The following SLMAP variants were observed in gnomAD, a reference collection of about 807,000 sequenced individuals.
SLMAP encodes sarcolemma associated protein.
Under a neutral mutation model 128.8 loss-of-function variants are expected in SLMAP, and 44 were observed. The ratio of observed to expected loss-of-function variants is 0.34; its 90% CI spans 0.27 to 0.44. SLMAP has a LOEUF of 0.44. Among genes scored for constraint, SLMAP ranks in the 20% least tolerant of loss-of-function variants. The pLI is 1.00. For synonymous variants in SLMAP, 327 were observed against 348.8 expected, an observed-to-expected ratio of 0.94 and a Z score of 0.70; for missense variants, 787 against 985.3, an observed-to-expected ratio of 0.80 and a Z score of 2.69.
chr3:57,836,706 T>C (rs972326129), intron 3 of SLMAP, among the ~76,000 whole-genome samples: 1 of 152,314 alleles, frequency 6.6e-6, no homozygotes, highest in South Asian at 2.1e-4. Flanking sequence ...TGGTCAGGCA[T>C]GTACACATAA....
At chr3:57,832,079 G>A (rs923213486) in intron 3 of SLMAP, among the ~76,000 whole-genome samples, 2 of 152,202 alleles carry the variant, frequency 1.3e-5, no homozygotes, top group African/African-American at 4.8e-5. Context: ...CTCTTCTTAT[G>A]TTGAAAGAAC....
chr3:57,784,099 A>T (rs2083594209), intron 2 of SLMAP, among the ~76,000 whole-genome samples: 1 of 152,156 alleles, frequency 6.6e-6, no homozygotes, highest in Admixed American at 6.6e-5. Flanking sequence ...GGGCCCAGAC[A>T]GAGATGTGTA....
At chr3:57,785,144 C>T (rs1174259398) in intron 2 of SLMAP, among the ~76,000 whole-genome samples, 4 of 152,056 alleles carry the variant, frequency 2.6e-5, no homozygotes, top group Non-Finnish European at 4.4e-5. Flanking sequence ...CAAACATAAA[C>T]GTTTACTTGG....
Position 57,790,105 on chromosome 3 carries a change from G to A in SLMAP, c.198+32256G>A, listed in dbSNP as rs930244621. Among the ~76,000 whole-genome samples, 5 of 152,270 alleles carry A rather than the reference G, an allele frequency of 3.3e-5. No individual in the cohort carries two copies. In the South Asian group the frequency reaches 6.2e-4, roughly 19 times the overall value. On this transcript the variant is annotated intron_variant, in intron 2 of 24. Coordinates refer to ENST00000671191, the MANE Select transcript of SLMAP (RefSeq NM_001377540.1). ...ACCTGCCTCAGCCTCCCAAAGTGCT[G>A]GGATTACAGGCATGAGCCACCATGC...
At chr3:57,825,003 T>C (rs1403058735) in intron 2 of SLMAP, among the ~76,000 whole-genome samples, 1 of 152,224 alleles carries the variant, frequency 6.6e-6, no homozygotes, top group African/African-American at 2.4e-5. Context: ...AGGTATTTTA[T>C]TCTTCTAGAT....
At chr3:57,781,160 A>C (rs981603384) in intron 2 of SLMAP, among the ~76,000 whole-genome samples, 1 of 151,974 alleles carries the variant, frequency 6.6e-6, no homozygotes, top group African/African-American at 2.4e-5. Context: ...TTGAGACTGT[A>C]GTGAGCTATG....
chr3:57,927,235 T>G, intron 24 of SLMAP, 61 bp from the exon 25 acceptor site: 1 of 1,032,990 alleles, frequency 9.7e-7, no homozygotes, highest in Non-Finnish European at 1.5e-6. Context: ...AACCAAGGGG[T>G]TAATAGGTAT....
Position 57,884,309 on chromosome 3 carries a change from G to A in SLMAP, c.1301-5732G>A, listed in dbSNP as rs548632965. Among the ~76,000 whole-genome samples the A allele has an allele frequency of 9.1e-4, 138 of 152,218 alleles. 1 individual carries two copies. The highest frequency in any genetic ancestry group is 1.5e-3 in the Non-Finnish European group (101 of 68,002). ...AAGACTGAAGGTTTGCTCTCTGGAG[G>A]CTGAAATGGAGAGTCTGTAGACTGG... On this transcript the variant is annotated intron_variant, in intron 14 of 24. Coordinates refer to ENST00000671191, the MANE Select transcript of SLMAP (RefSeq NM_001377540.1).
intron 19 of SLMAP, 150 bp downstream of exon 19, chr3:57,909,300 G>T (rs924065801): frequency 3.4e-6 from 2 of 580,074 alleles, no homozygotes; most frequent in African/African-American, 3.8e-5. Context: ...TCAGGAATTC[G>T]AGAGCAGTGT....
chr3:57,891,307 TATC>T (rs1352298350), intron 15 of SLMAP: 1 of 152,230 alleles, frequency 6.6e-6, no homozygotes, highest in African/African-American at 2.4e-5. Flanking sequence ...AATTATGTTT[TATC>T]ATTATTGGAA....
intron 2 of SLMAP, among the ~76,000 whole-genome samples, chr3:57,776,745 G>GAAT (rs765595394): frequency 6.6e-6 from 1 of 151,286 alleles, no homozygotes; most frequent in Non-Finnish European, 1.5e-5. Flanking sequence ...AGGCTATCTT[G>GAAT]AACTCCTGAC....
intron 13 of SLMAP, among the ~76,000 whole-genome samples, chr3:57,868,240 CAG>C (rs1414891251): frequency 6.6e-6 from 1 of 152,010 alleles, no homozygotes. Flanking sequence ...GCCTGGGTGA[CAG>C]AGTGAGACCC....
intron 19 of SLMAP, among the ~76,000 whole-genome samples, chr3:57,911,923 TAAAAAAAAAA>T (rs57106769): frequency 1.9e-5 from 1 of 52,370 alleles, no homozygotes; most frequent in African/African-American, 7.6e-5. Flanking sequence ...GGATTCACCC[TAAAAAAAAAA>T]AAAAAAAAAA....
chr3:57,862,159 G>A, intron 10 of SLMAP, 73 bp downstream of exon 10: 1 of 1,290,256 alleles, frequency 7.8e-7, no homozygotes, highest in Non-Finnish European at 1.1e-6. Context: ...AAGATTTTAG[G>A]TATTGCTTTA....
At chr3:57,926,012 C>A in intron 24 of SLMAP, 78 bp downstream of exon 24, 3 of 968,556 alleles carry the variant, frequency 3.1e-6, no homozygotes, top group Admixed American at 2.1e-5. Context: ...TAGTGCATGG[C>A]AAGAACACAC....
intron 14 of SLMAP, among the ~76,000 whole-genome samples, chr3:57,887,158 C>T (rs1421806407): frequency 1.3e-5 from 2 of 151,724 alleles, no homozygotes; most frequent in African/African-American, 4.8e-5. Flanking sequence ...GATTCCGAAA[C>T]CTTCTAGAGA....
Position 57,871,633 on chromosome 3 carries a change from T to C in SLMAP, c.1238-3T>C, listed in dbSNP as rs767755705. 2.5e-6 allele frequency: 4 copies of C among 1,611,450 alleles called. No homozygotes were observed. In the Admixed American group the frequency reaches 6.7e-5, roughly 27 times the overall value. ...TCCTTAAAGGTGTTTCTTTCTTTAT[T>C]AGAGCACTTGCTTTCAAAGAGTGGC... is the stretch of plus-strand genomic sequence containing the variant. On this transcript the variant is annotated splice_region_variant and splice_polypyrimidine_tract_variant and intron_variant, in intron 13 of 24. Coordinates refer to ENST00000671191, the MANE Select transcript of SLMAP (RefSeq NM_001377540.1).
chr3:57,768,988 T>C (rs1309923201), intron 2 of SLMAP, among the ~76,000 whole-genome samples: 1 of 151,894 alleles, frequency 6.6e-6, no homozygotes, highest in African/African-American at 2.4e-5. Context: ...TAGATAAATC[T>C]CTCTATATAA....
rs368464265 is a variant in SLMAP, at chr3:57,880,169, T to TTTTTTG, written c.1300+8475_1300+8476insTGTTTT. Among the ~76,000 whole-genome samples the TTTTTTG allele has an allele frequency of 1.4e-5, 2 of 147,992 alleles. 1 individual carries two copies. On this transcript the variant is annotated intron_variant, in intron 14 of 24. Transcript: ENST00000671191. ...GTTTTATGTTCCTTTTTGTATGTCA[T>TTTTTTG]TTTTGTTTTGTTTTGTTTTGTTTTG...
Sources: allele counts gnomAD v4.1 joint callset (sites outside exome capture counted in the v4.1 genomes callset), GRCh38; gene constraint gnomAD v4.1.1; transcripts MANE v1.5; gene names NCBI Gene and HGNC (gene_info 2026-07-23, HGNC 2026-07-21).